Variants in CDH4 observed in about 807,000 individuals in gnomAD.
The protein encoded by CDH4 is cadherin-4.
Under a neutral mutation model 86.0 loss-of-function variants are expected in CDH4, and 33 were observed. The ratio of observed to expected loss-of-function variants is 0.38; its 90% CI spans 0.29 to 0.51. The LOEUF (loss-of-function observed/expected upper bound fraction) is 0.51. CDH4 is among the 20% of genes least tolerant of loss of function. The probability of loss-of-function intolerance (pLI) is 0.86; values close to 1 mark genes in which losing one functional copy is unlikely to be tolerated. For missense variants in CDH4, 1,114 were observed against 1,307.4 expected (o/e 0.85, Z 2.28); for synonymous variants, 555 against 549.4 (o/e 1.01, Z -0.14).
rs1568822329 is a variant in CDH4 at position 61,383,246 on chromosome 20, TTATATATGAATATATGTGA to T, written c.169+128326_169+128344del. On this transcript the variant is annotated intron_variant, in intron 2 of 15. Transcript: ENST00000614565. The stretch of plus-strand genomic sequence containing the variant: ...ATATTATATATATGAATATATATGA[TTATATATGAATATATGTGA>T]TATATATGAATATATGATATATATG... Among the ~76,000 whole-genome samples, 8 of 60,420 alleles carry T rather than the reference TTATATATGAATATATGTGA, an allele frequency of 1.3e-4. 1 individual carries two copies. The highest frequency in any genetic ancestry group is 2.3e-4 in the African/African-American group (3 of 13,152). The allele number at this position is 60,420 out of a possible 152,430, so 39.6% of individuals were successfully genotyped here.
At chr20:61,686,846 G>A (rs912307991) in intron 2 of CDH4, among the ~76,000 whole-genome samples, 6 of 152,218 alleles carry the variant, frequency 3.9e-5, no homozygotes, top group Non-Finnish European at 7.3e-5. Flanking sequence ...GTTAGGTTTT[G>A]TGCTAGGGAT....
intron 2 of CDH4, among the ~76,000 whole-genome samples, chr20:61,398,346 C>T (rs1247282567): frequency 6.6e-5 from 10 of 152,188 alleles, no homozygotes; most frequent in Non-Finnish European, 1.3e-4. Context: ...TTGCGTCTAT[C>T]ACCTCTAAGG....
rs530419456 is a variant in CDH4 at position 61,339,400 on chromosome 20, G to A, written c.169+84463G>A. On this transcript the variant is annotated intron_variant, in intron 2 of 15. Transcript: ENST00000614565. ...CCTGGAGATCTGAAGCAAAGATGAT[G>A]AATGTTCTCACCTGCTAAATTTAGG... Among the ~76,000 whole-genome samples, 88 of 152,264 alleles carry A rather than the reference G, an allele frequency of 5.8e-4. 2 individuals carry two copies. The South Asian group carries it at 0.017, about 29-fold the overall frequency.
At chr20:61,332,630 G>T (rs1359925523) in intron 2 of CDH4, among the ~76,000 whole-genome samples, 1 of 152,248 alleles carries the variant, frequency 6.6e-6, no homozygotes, top group East Asian at 1.9e-4. Flanking sequence ...CTGCAGTGGG[G>T]GTAATTGAAG....
rs1319936307 is a variant in CDH4 at position 61,929,969 on chromosome 20, G to A, written c.2239+127G>A. The A allele has an allele frequency of 1.7e-5, 12 of 703,606 alleles. No individual in the cohort carries two copies. In the East Asian group the frequency reaches 3.0e-4, roughly 17 times the overall value. 43.6% of individuals were successfully genotyped at this position (703,606 alleles called of 1,614,324 possible). ...CTCATCTCTCAGCCTCATCTGTCAGGAGCCTTTCAGAAATGCAGCTGAACT... is the reference window on the plus strand; with the variant it reads ...CTCATCTCTCAGCCTCATCTGTCAGAAGCCTTTCAGAAATGCAGCTGAACT... On this transcript the variant is annotated intron_variant, in intron 13 of 15. Transcript: ENST00000614565.
At position 61,325,734 on chromosome 20, in the gene CDH4, T is replaced by TA. The variant is rs2084533534; in HGVS notation, c.169+70797_169+70798insA. 5.9e-5 allele frequency among the ~76,000 whole-genome samples: 9 copies of TA among 152,118 alleles called. No homozygotes were observed. In the South Asian group the frequency reaches 1.9e-3, roughly 32 times the overall value. On this transcript the variant is annotated intron_variant, in intron 2 of 15. Coordinates refer to ENST00000614565, the MANE Select transcript of CDH4 (RefSeq NM_001794.5). The stretch of plus-strand genomic sequence containing the variant: ...TGCAAGAGTGTTTATAGGTTTAATT[T>TA]TAAAAAAAGAAAAAAAAGCAGCGCT...
chr20:61,591,701 A>G (rs1052046012), intron 2 of CDH4, among the ~76,000 whole-genome samples: 2 of 152,118 alleles, frequency 1.3e-5, no homozygotes, highest in East Asian at 1.9e-4. Context: ...GCTAAACCCT[A>G]TTGGTTTCTG....
chr20:61,843,554 C>G (rs1425728324), intron 4 of CDH4, among the ~76,000 whole-genome samples: 1 of 149,466 alleles, frequency 6.7e-6, no homozygotes. Flanking sequence ...ATTAGCCAGG[C>G]GTGGTTGCCA....
At chr20:61,920,453 G>A (rs528273906) in intron 9 of CDH4, among the ~76,000 whole-genome samples, 2 of 150,202 alleles carry the variant, frequency 1.3e-5, no homozygotes, top group South Asian at 4.2e-4. Context: ...GCATGGAAAT[G>A]TGTGATTGCA....
chr20:61,496,778 A>G (rs1054477754), intron 2 of CDH4, among the ~76,000 whole-genome samples: 11 of 152,086 alleles, frequency 7.2e-5, no homozygotes, highest in Admixed American at 3.9e-4. Context: ...TTTCTTCACT[A>G]TGGTTTTGCC....
chr20:61,920,364 G>A (rs1238652409), intron 9 of CDH4, among the ~76,000 whole-genome samples: 11 of 3,900 alleles, frequency 2.8e-3, no homozygotes, highest in South Asian at 0.011. Flanking sequence ...GCATGGAAGC[G>A]TGTCGTGATT....
chr20:61,334,139 C>G (rs964575405), intron 2 of CDH4, among the ~76,000 whole-genome samples: 3 of 152,198 alleles, frequency 2.0e-5, no homozygotes, highest in Non-Finnish European at 4.4e-5. Context: ...TGGGCCACCC[C>G]CTCTGAGGGC....
chr20:61,812,530 G>A (rs996287504), intron 4 of CDH4, among the ~76,000 whole-genome samples: 9 of 152,124 alleles, frequency 5.9e-5, no homozygotes, highest in African/African-American at 1.7e-4. Flanking sequence ...TTTAACCCCC[G>A]AGAGAATTTC....
At chr20:61,409,474 A>T (rs560512243) in intron 2 of CDH4, among the ~76,000 whole-genome samples, 2 of 152,374 alleles carry the variant, frequency 1.3e-5, no homozygotes, top group South Asian at 4.1e-4. Flanking sequence ...CAACACAAGG[A>T]TTCCCTGGAG....
At chr20:61,303,194 A>T (rs1210949513) in intron 2 of CDH4, among the ~76,000 whole-genome samples, 1 of 152,218 alleles carries the variant, frequency 6.6e-6, no homozygotes, top group Non-Finnish European at 1.5e-5. Context: ...CTGTTCTCTC[A>T]GCTGTGAAAC....
chr20:61,557,499 C>CA (rs1169683801), intron 2 of CDH4, among the ~76,000 whole-genome samples: 2 of 152,196 alleles, frequency 1.3e-5, no homozygotes, highest in African/African-American at 4.8e-5. Context: ...AATTTTATGC[C>CA]CTCCAGGACC....
At chr20:61,261,489 C>T (rs367545903) in intron 2 of CDH4, among the ~76,000 whole-genome samples, 1 of 152,162 alleles carries the variant, frequency 6.6e-6, no homozygotes, top group Non-Finnish European at 1.5e-5. Context: ...CCTTGGTATA[C>T]GATATCTCAT....
intron 2 of CDH4, among the ~76,000 whole-genome samples, chr20:61,296,569 C>G (rs1447899066): frequency 6.6e-5 from 10 of 152,090 alleles, no homozygotes; most frequent in Non-Finnish European, 1.2e-4. Context: ...AAACAGAAAT[C>G]AGTGTTTTGC....
intron 15 of CDH4, among the ~76,000 whole-genome samples, chr20:61,935,135 T>C (rs2055166957): frequency 6.6e-6 from 1 of 152,154 alleles, no homozygotes; most frequent in Admixed American, 6.5e-5. Flanking sequence ...TCCGTGCTGC[T>C]TCTAGTCGGC....
Sources: gnomAD v4.1 joint callset for allele counts (sites outside exome capture counted in the v4.1 genomes callset) on GRCh38, gnomAD v4.1.1 for gene constraint, MANE v1.5 for transcripts, NCBI Gene and HGNC (gene_info 2026-07-23, HGNC 2026-07-21) for gene names.